ATRNL1: variants seen among roughly 807,000 people sequenced by gnomAD.
The protein encoded by ATRNL1 is attractin like 1.
Under a neutral mutation model 182.7 loss-of-function variants are expected in ATRNL1, and 95 were observed. The observed-to-expected ratio is 0.52, with a 90% CI of 0.44 to 0.62. The LOEUF is 0.62. Ranked by LOEUF, ATRNL1 falls within the 20% of genes least tolerant of loss-of-function variation. The pLI is 0.00. For synonymous variants in ATRNL1, 576 were observed against 568.3 expected, an observed-to-expected ratio of 1.01 and a Z score of -0.19; for missense variants, 1,471 against 1,679.5, an observed-to-expected ratio of 0.88 and a Z score of 2.17.
chr10:115,699,381 C>G (rs1946662386), intron 26 of ATRNL1, among the ~76,000 whole-genome samples: 1 of 152,018 alleles, frequency 6.6e-6, no homozygotes. Context: ...TTTCAAGATA[C>G]TCAGTTTTGT....
At chr10:115,763,788 G>A (rs1485335226) in intron 27 of ATRNL1, among the ~76,000 whole-genome samples, 4 of 152,030 alleles carry the variant, frequency 2.6e-5, no homozygotes, top group Non-Finnish European at 4.4e-5. Flanking sequence ...ATGTATTTTT[G>A]TATTTAAAAA....
chr10:115,202,938 A>G (rs1380260059), intron 8 of ATRNL1, among the ~76,000 whole-genome samples: 1 of 150,862 alleles, frequency 6.6e-6, no homozygotes, highest in East Asian at 1.9e-4. Context: ...CAGAGATTCA[A>G]CTTCTTCCTG....
At chr10:115,441,688 C>G (rs932306385) in intron 21 of ATRNL1, among the ~76,000 whole-genome samples, 6 of 151,914 alleles carry the variant, frequency 3.9e-5, no homozygotes, top group African/African-American at 2.4e-5. Context: ...AAGTCATATT[C>G]AGTATTTTCA....
At chr10:115,694,074 G>C (rs2133979023) in intron 26 of ATRNL1, among the ~76,000 whole-genome samples, 1 of 151,790 alleles carries the variant, frequency 6.6e-6, no homozygotes, top group African/African-American at 2.4e-5. Context: ...CTAAATCATA[G>C]TACTTGTTCC....
At chr10:115,445,296 G>A (rs1846904753) in intron 21 of ATRNL1, among the ~76,000 whole-genome samples, 1 of 151,032 alleles carries the variant, frequency 6.6e-6, no homozygotes, top group Non-Finnish European at 1.5e-5. Context: ...GCAGGATGTG[G>A]GGGCACACGC....
At chr10:115,537,673 T>C (rs1378747268) in intron 25 of ATRNL1, among the ~76,000 whole-genome samples, 1 of 152,052 alleles carries the variant, frequency 6.6e-6, no homozygotes, top group Non-Finnish European at 1.5e-5. Flanking sequence ...ATTACTTGCC[T>C]TTTTTTCCAG....
intron 10 of ATRNL1, among the ~76,000 whole-genome samples, chr10:115,249,042 C>T (rs886326517): frequency 6.6e-6 from 1 of 152,060 alleles, no homozygotes; most frequent in East Asian, 1.9e-4. Flanking sequence ...AGTGCAATGG[C>T]ATGACCTCGG....
intron 26 of ATRNL1, among the ~76,000 whole-genome samples, chr10:115,588,788 G>A (rs1855732390): frequency 6.6e-6 from 1 of 152,200 alleles, no homozygotes; most frequent in African/African-American, 2.4e-5. Flanking sequence ...ATTGATCAAT[G>A]TGTAGCTGTT....
intron 20 of ATRNL1, among the ~76,000 whole-genome samples, chr10:115,402,061 T>C (rs2134306038): frequency 6.6e-6 from 1 of 152,260 alleles, no homozygotes; most frequent in Middle Eastern, 3.4e-3. Flanking sequence ...GGATAGCTAT[T>C]GGTGATGAGA....
intron 1 of ATRNL1, among the ~76,000 whole-genome samples, chr10:115,117,837 T>C (rs1163243992): frequency 6.6e-6 from 1 of 152,162 alleles, no homozygotes; most frequent in Non-Finnish European, 1.5e-5. Context: ...GAGGGTTCCC[T>C]TTTCTCCATA....
At chr10:115,291,810 GTT>G (rs869274544) in intron 15 of ATRNL1, among the ~76,000 whole-genome samples, 127 of 120,042 alleles carry the variant, frequency 1.1e-3, no homozygotes, top group African/African-American at 3.0e-3. Flanking sequence ...TGGCCTCTAG[GTT>G]TTTTTTTTTT....
chr10:115,671,268 A>G (rs1272580125), intron 26 of ATRNL1, among the ~76,000 whole-genome samples: 2 of 152,130 alleles, frequency 1.3e-5, no homozygotes, highest in African/African-American at 4.8e-5. Context: ...ATAAATGTCA[A>G]AATTAACAGA....
chr10:115,887,429 G>A (rs1168419302), intron 28 of ATRNL1, among the ~76,000 whole-genome samples: 1 of 152,144 alleles, frequency 6.6e-6, no homozygotes, highest in African/African-American at 2.4e-5. Context: ...TCCTTCCTAG[G>A]TGGATGTCTT....
chr10:115,625,405 C>A (rs1350506155), intron 26 of ATRNL1, among the ~76,000 whole-genome samples: 1 of 152,140 alleles, frequency 6.6e-6, no homozygotes, highest in Non-Finnish European at 1.5e-5. Context: ...TATTTCCACA[C>A]TCATAATTTA....
intron 26 of ATRNL1, among the ~76,000 whole-genome samples, chr10:115,564,407 A>T (rs1052896221): frequency 1.2e-4 from 18 of 151,970 alleles, no homozygotes; most frequent in African/African-American, 4.1e-4. Flanking sequence ...TCTGTGGCCA[A>T]TTTGTTCTAG....
chr10:115,646,904 A>G (rs1272510515), intron 26 of ATRNL1, among the ~76,000 whole-genome samples: 2 of 149,540 alleles, frequency 1.3e-5, no homozygotes, highest in Non-Finnish European at 3.0e-5. Flanking sequence ...TTAACTCGTC[A>G]TTTACATTAG....
chr10:115,140,015 A>C (rs1215930906), intron 5 of ATRNL1, among the ~76,000 whole-genome samples: 2 of 152,202 alleles, frequency 1.3e-5, no homozygotes, highest in African/African-American at 4.8e-5. Flanking sequence ...TTTGAGTAGG[A>C]TATTCCTGTC....
At chr10:115,550,228 C>G (rs1439532385) in intron 26 of ATRNL1, among the ~76,000 whole-genome samples, 1 of 151,604 alleles carries the variant, frequency 6.6e-6, no homozygotes, top group Non-Finnish European at 1.5e-5. Flanking sequence ...ATTCAAAAAA[C>G]TAGTTTCTGT....
At chr10:115,498,669 A>C (rs1554979143) in intron 24 of ATRNL1, among the ~76,000 whole-genome samples, 1 of 151,756 alleles carries the variant, frequency 6.6e-6, no homozygotes, top group African/African-American at 2.4e-5. Flanking sequence ...ATAAGTATAT[A>C]CTTTAATATA....
Sources: allele counts gnomAD v4.1 joint callset (sites outside exome capture counted in the v4.1 genomes callset), GRCh38; gene constraint gnomAD v4.1.1; transcripts MANE v1.5; gene names NCBI Gene and HGNC (gene_info 2026-07-23, HGNC 2026-07-21).